ZEB2: variants seen among roughly 807,000 people sequenced by gnomAD.
The protein encoded by ZEB2 is zinc finger E-box-binding homeobox 2.
In ZEB2, 6 loss-of-function variants were observed where a neutral mutation model predicts 99.9. That is an observed-to-expected ratio of 0.06 (90% CI 0.03 to 0.12). The LOEUF (loss-of-function observed/expected upper bound fraction) is 0.12, where lower values mean the gene tolerates loss of function less well. ZEB2 is among the 10% of genes least tolerant of loss of function. The probability of loss-of-function intolerance (pLI) is 1.00; values close to 1 mark genes in which losing one functional copy is unlikely to be tolerated. For synonymous variants in ZEB2, 517 were observed against 542.5 expected, an observed-to-expected ratio of 0.95 and a Z score of 0.65; for missense variants, 969 against 1,502.8, an observed-to-expected ratio of 0.64 and a Z score of 5.87.
At chr2:144,423,914 C>T (rs1703653887) in intron 4 of ZEB2, among the ~76,000 whole-genome samples, 1 of 149,376 alleles carries the variant, frequency 6.7e-6, no homozygotes, top group Admixed American at 6.7e-5. Flanking sequence ...GAAGTAGTTA[C>T]ATTTTTTTTT....
intron 2 of ZEB2, chr2:144,511,882 A>G: frequency 2.3e-6 from 3 of 1,287,210 alleles, no homozygotes; most frequent in Non-Finnish European, 3.0e-6. Flanking sequence ...CAACCTTCAC[A>G]TCTTGGCTAA....
At chr2:144,479,701 G>GGGGGGGGGT (rs1704482781) in intron 2 of ZEB2, among the ~76,000 whole-genome samples, 2 of 106,232 alleles carry the variant, frequency 1.9e-5, no homozygotes, top group Non-Finnish European at 3.8e-5. Context: ...GGGGCGGGGG[G>GGGGGGGGGT]TGGACTTTGA....
Position 144,424,803 on chromosome 2 carries a change from A to G in ZEB2, c.396T>C (p.Asn132=), listed in dbSNP as rs147072510. 4.3e-5 allele frequency: 69 copies of G among 1,614,024 alleles called. No individual in the cohort carries two copies. The highest frequency in any genetic ancestry group is 5.5e-5 in the Non-Finnish European group (65 of 1,179,912). The change falls in exon 4 of 10, where the codon AAT becomes AAC. Residue 132 remains asparagine (N), a synonymous_variant. Transcript: ENST00000627532. ...PEATIQTAIN[N]GTVKNANCTS... ...GTGGCCAACATAACTCACCTGTACC[A>G]TTGTTAATTGCGGTCTGGATCGTGG...
intron 3 of ZEB2, among the ~76,000 whole-genome samples, chr2:144,426,207 A>T (rs192646678): frequency 6.6e-6 from 1 of 152,288 alleles, no homozygotes; most frequent in Admixed American, 6.5e-5. Context: ...TATTTAAAAA[A>T]TATTTTCAGA....
At chr2:144,401,334 G>T in intron 6 of ZEB2, 27 bp from the exon 7 acceptor site, 1 of 1,608,648 alleles carries the variant, frequency 6.2e-7, no homozygotes, top group Non-Finnish European at 8.5e-7. Context: ...ACTGACATCA[G>T]TTTTGTGCAG....
intron 2 of ZEB2, chr2:144,511,725 G>A (rs1331242861): frequency 2.3e-6 from 3 of 1,285,824 alleles, no homozygotes; most frequent in Admixed American, 2.3e-5. Flanking sequence ...TAATGAGGAG[G>A]TGCCTGGATG....
At chr2:144,424,668 G>A in intron 4 of ZEB2, 128 bp downstream of exon 4, 2 of 1,105,130 alleles carry the variant, frequency 1.8e-6, no homozygotes, top group Non-Finnish European at 2.7e-6. Flanking sequence ...CAAAACCAGA[G>A]ACCTGTAAAG....
intron 2 of ZEB2, among the ~76,000 whole-genome samples, chr2:144,490,336 T>C (rs1202568357): frequency 6.6e-6 from 1 of 152,190 alleles, no homozygotes; most frequent in East Asian, 1.9e-4. Flanking sequence ...ATACAATAAA[T>C]GGGAGCTGTA....
In ZEB2 at chr2:144,390,721, C is replaced by G. The variant is rs114695699; in HGVS notation, c.3068-693G>C. 2.1e-3 allele frequency: 324 copies of G among 155,156 alleles called. 2 individuals carry two copies. The highest frequency in any genetic ancestry group is 7.6e-3 in the African/African-American group (316 of 41,544). The allele number at this position is 155,156 out of a possible 1,614,324, so 9.6% of individuals were successfully genotyped here. A position where few individuals can be genotyped will look rare whatever the true frequency, so the allele number is the denominator to read the frequency against. On this transcript the variant is annotated intron_variant, in intron 9 of 9. Coordinates refer to ENST00000627532, the MANE Select transcript of ZEB2 (RefSeq NM_014795.4). Reference sequence around the variant, plus strand: ...TCTAAAGTTTTCCATAAGATGTCAGCCACTTGTTGAGTGTTAAAATACTCT... The same window carrying G: ...TCTAAAGTTTTCCATAAGATGTCAGGCACTTGTTGAGTGTTAAAATACTCT...
chr2:144,468,682 T>C (rs1704309493), intron 2 of ZEB2, among the ~76,000 whole-genome samples: 1 of 151,084 alleles, frequency 6.6e-6, no homozygotes, highest in African/African-American at 2.4e-5. Context: ...CAACAGGGGG[T>C]GAGGACAGAA....
chr2:144,468,621 G>C (rs145302591), intron 2 of ZEB2, among the ~76,000 whole-genome samples: 65 of 152,140 alleles, frequency 4.3e-4, no homozygotes, highest in African/African-American at 1.6e-3. Flanking sequence ...TAGCACATGT[G>C]TGTGTGCATG....
intron 2 of ZEB2, chr2:144,513,436 A>G (rs1458938017): frequency 7.0e-7 from 1 of 1,434,132 alleles, no homozygotes; most frequent in East Asian, 3.2e-5. Context: ...CTCTGGAGAA[A>G]AATCAAATTT....
rs985136994 is a variant in ZEB2 at position 144,385,958 on chromosome 2, G to A, written c.*3493C>T. 1.3e-5 allele frequency: 2 copies of A among 152,132 alleles called. No individual in the cohort carries two copies. Among genetic ancestry groups the A allele is most frequent in the Non-Finnish European group, 1.5e-5 (1 of 68,024 alleles). 9.4% of individuals were successfully genotyped at this position (152,132 alleles called of 1,614,324 possible). The stretch of plus-strand genomic sequence containing the variant: ...CAGTCCAATTCATGCTAAGGAAGAT[G>A]TATGTTTTGTTTAGCTCTTGCGGAG... On this transcript the variant is annotated 3_prime_UTR_variant, in exon 10 of 10. Transcript: ENST00000627532.
At chr2:144,403,176 G>C (rs1703335737) in intron 6 of ZEB2, among the ~76,000 whole-genome samples, 1 of 152,138 alleles carries the variant, frequency 6.6e-6, no homozygotes, top group African/African-American at 2.4e-5. Context: ...AACATTTAAG[G>C]AACACTGTGA....
At chr2:144,436,549 TTACAGGAGCATCTTGGGAAGA>T (rs1372112807) in intron 2 of ZEB2, among the ~76,000 whole-genome samples, 1 of 152,146 alleles carries the variant, frequency 6.6e-6, no homozygotes, top group Non-Finnish European at 1.5e-5. Context: ...AACTTCCTGG[TTACAGGAGCATCTTGGGAAGA>T]TGGCAGCCAC....
At chr2:144,433,022 C>G (rs1703793637) in intron 2 of ZEB2, among the ~76,000 whole-genome samples, 1 of 152,086 alleles carries the variant, frequency 6.6e-6, no homozygotes, top group South Asian at 2.1e-4. Context: ...TCAAATAAGC[C>G]ACCCTTTGCA....
chr2:144,483,148 A>ACATG (rs1704540245), intron 2 of ZEB2, among the ~76,000 whole-genome samples: 1 of 144,006 alleles, frequency 6.9e-6, no homozygotes. Context: ...ACACACACAC[A>ACATG]CACACACACA....
chr2:144,408,946 T>G (rs1381512378), intron 4 of ZEB2, among the ~76,000 whole-genome samples: 5 of 152,072 alleles, frequency 3.3e-5, no homozygotes, highest in Admixed American at 6.5e-5. Flanking sequence ...GCAGTTTTTT[T>G]TTTCTGCCAA....
chr2:144,433,519 C>T (rs2149892842), intron 2 of ZEB2, among the ~76,000 whole-genome samples: 1 of 152,252 alleles, frequency 6.6e-6, no homozygotes, highest in South Asian at 2.1e-4. Context: ...TTCTCTAAAA[C>T]TGTATGTATA....
Sources: allele counts gnomAD v4.1 joint callset (sites outside exome capture counted in the v4.1 genomes callset), GRCh38; gene constraint gnomAD v4.1.1; transcripts MANE v1.5; gene names NCBI Gene and HGNC (gene_info 2026-07-23, HGNC 2026-07-21).